The following RAD51B variants were observed in gnomAD, a reference collection of about 807,000 sequenced individuals.
RAD51B encodes DNA repair protein RAD51 homolog 2.
Under a neutral mutation model 42.2 loss-of-function variants are expected in RAD51B, and 38 were observed. That is an observed-to-expected ratio of 0.90 (90% CI 0.70 to 1.18). RAD51B has a LOEUF of 1.18. Among genes scored for constraint, RAD51B ranks in the 50% most tolerant of loss-of-function variants. The pLI is 0.00. For synonymous variants in RAD51B, 154 were observed against 145.2 expected (o/e 1.06, Z -0.43); for missense variants, 373 against 400.7 (o/e 0.93, Z 0.59).
intron 7 of RAD51B, among the ~76,000 whole-genome samples, chr14:68,186,931 G>A (rs889482455): frequency 6.6e-6 from 1 of 152,092 alleles, no homozygotes; most frequent in African/African-American, 2.4e-5. Context: ...GTTCATCGCA[G>A]CACTATTCAC....
chr14:68,123,227 C>T (rs1243081903), intron 7 of RAD51B, among the ~76,000 whole-genome samples: 4 of 142,338 alleles, frequency 2.8e-5, no homozygotes, highest in Non-Finnish European at 6.0e-5. Context: ...GAGCTGTCTC[C>T]TCCAGACTGG....
chr14:68,452,035 G>A (rs2085568780), intron 9 of RAD51B, among the ~76,000 whole-genome samples: 2 of 152,164 alleles, frequency 1.3e-5, no homozygotes, highest in African/African-American at 4.8e-5. Flanking sequence ...GAGCTGCCTT[G>A]CCTCTGCTGC....
At chr14:68,121,158 T>C (rs1449209826) in intron 7 of RAD51B, among the ~76,000 whole-genome samples, 1 of 152,236 alleles carries the variant, frequency 6.6e-6, no homozygotes, top group Non-Finnish European at 1.5e-5. Context: ...CTTTTTATTA[T>C]GTCATAGATT....
intron 8 of RAD51B, among the ~76,000 whole-genome samples, chr14:68,391,138 CTTTCTTTCTTT>C (rs1275410068): frequency 1.3e-5 from 1 of 77,828 alleles, no homozygotes; most frequent in African/African-American, 3.7e-5. Flanking sequence ...TGAGACTTGT[CTTTCTTTCTTT>C]CTTTCTTTCT....
At chr14:68,306,518 T>G (rs2081866388) in intron 8 of RAD51B, 1 of 385,350 alleles carries the variant, frequency 2.6e-6, no homozygotes, top group Non-Finnish European at 5.3e-6. Context: ...AAGCCCAAGC[T>G]GAACAGCTCT....
intron 7 of RAD51B, among the ~76,000 whole-genome samples, chr14:67,914,793 A>G (rs1167400040): frequency 6.6e-6 from 1 of 152,174 alleles, no homozygotes; most frequent in Non-Finnish European, 1.5e-5. Context: ...ATTTGCAGAC[A>G]TGTGCAGAGC....
At position 67,913,944 on chromosome 14, in the gene RAD51B, A is replaced by G. The variant is rs567883941; in HGVS notation, c.756+26740A>G. 4.7e-5 allele frequency among the ~76,000 whole-genome samples: 7 copies of G among 150,528 alleles called. No homozygotes were observed. In the East Asian group the frequency reaches 1.4e-3, roughly 29 times the overall value. On this transcript the variant is annotated intron_variant, in intron 7 of 10. Coordinates refer to ENST00000471583, the MANE Select transcript of RAD51B (RefSeq NM_133510.4). The stretch of plus-strand genomic sequence containing the variant: ...GCCCCACTCTCCACTACTCTTCCCA[A>G]CCTCTGGTAACCATCATTTTACTCT...
At chr14:68,064,362 T>G (rs941338931) in intron 7 of RAD51B, among the ~76,000 whole-genome samples, 2 of 152,192 alleles carry the variant, frequency 1.3e-5, no homozygotes, top group Non-Finnish European at 2.9e-5. Context: ...ATGCTTTTCC[T>G]ATGCTGTTTT....
intron 7 of RAD51B, among the ~76,000 whole-genome samples, chr14:67,909,241 C>T (rs760782707): frequency 6.6e-6 from 1 of 152,056 alleles, no homozygotes. Context: ...AAACAAAAGA[C>T]TAACACTCTA....
At chr14:68,352,943 T>C (rs931139283) in intron 8 of RAD51B, among the ~76,000 whole-genome samples, 6 of 152,332 alleles carry the variant, frequency 3.9e-5, no homozygotes, top group Middle Eastern at 3.4e-3. Flanking sequence ...GTGAGGCTGG[T>C]ACTATTTTTC....
intron 7 of RAD51B, among the ~76,000 whole-genome samples, chr14:68,103,635 G>A (rs2077327894): frequency 6.6e-6 from 1 of 152,108 alleles, no homozygotes. Flanking sequence ...TTAATTTAAA[G>A]TGTTAGTACA....
At chr14:67,837,009 A>G (rs2041266024) in intron 4 of RAD51B, among the ~76,000 whole-genome samples, 1 of 151,926 alleles carries the variant, frequency 6.6e-6, no homozygotes, top group Non-Finnish European at 1.5e-5. Flanking sequence ...CCTTGGAGAT[A>G]GGGACCCTGT....
chr14:68,186,468 C>G (rs1205970175), intron 7 of RAD51B, among the ~76,000 whole-genome samples: 1 of 152,132 alleles, frequency 6.6e-6, no homozygotes, highest in Admixed American at 6.5e-5. Flanking sequence ...ATGCATCTGA[C>G]AAAGGTGTAA....
At chr14:68,614,181 G>A (rs1401866522), downstream of RAD51B, among the ~76,000 whole-genome samples, 1 of 152,174 alleles carries the variant, frequency 6.6e-6, no homozygotes, top group Non-Finnish European at 1.5e-5. Flanking sequence ...AGCAACCACA[G>A]CTAAGAACAA....
downstream of RAD51B, among the ~76,000 whole-genome samples, chr14:68,599,302 C>T (rs1313922433): frequency 2.0e-5 from 3 of 152,182 alleles, no homozygotes; most frequent in Non-Finnish European, 4.4e-5. Flanking sequence ...TATCATAACT[C>T]ATTTCGTAAA....
chr14:68,660,260 AG>A (rs1892905271), intron 11 of RAD51B, among the ~76,000 whole-genome samples: 1 of 152,232 alleles, frequency 6.6e-6, no homozygotes, highest in African/African-American at 2.4e-5. Context: ...AACAAAAAGC[AG>A]AAAAATACCG....
At chr14:68,610,914 G>T in intron 10 of RAD51B, 1 of 628,458 alleles carries the variant, frequency 1.6e-6, no homozygotes, top group East Asian at 2.9e-5. Flanking sequence ...AACCCTGCAG[G>T]CCATGAACAG....
chr14:68,134,780 T>C (rs2077974175), intron 7 of RAD51B, among the ~76,000 whole-genome samples: 1 of 126,162 alleles, frequency 7.9e-6, no homozygotes, highest in Admixed American at 7.2e-5. Flanking sequence ...GGTTATTTGA[T>C]TTTTTTAATG....
intron 6 of RAD51B, 162 bp from the exon 7 acceptor site, chr14:67,886,859 T>C: frequency 6.6e-6 from 3 of 455,620 alleles, no homozygotes; most frequent in Non-Finnish European, 1.1e-5. Flanking sequence ...TCCAGAAAAG[T>C]ATGATATGTC....
Sources: gnomAD v4.1 joint callset for allele counts (sites outside exome capture counted in the v4.1 genomes callset) on GRCh38, gnomAD v4.1.1 for gene constraint, MANE v1.5 for transcripts, NCBI Gene and HGNC (gene_info 2026-07-23, HGNC 2026-07-21) for gene names.